AGBL1: variants seen among roughly 807,000 people sequenced by gnomAD.
AGBL1 encodes the protein cytosolic carboxypeptidase 4.
Under a neutral mutation model 118.9 loss-of-function variants are expected in AGBL1, and 130 were observed. That is an observed-to-expected ratio of 1.09 (90% confidence interval 0.95 to 1.26). The LOEUF is 1.26. Among genes scored for constraint, AGBL1 ranks in the 50% most tolerant of loss-of-function variants. The probability of loss-of-function intolerance (pLI) is 0.00; values close to 1 mark genes in which losing one functional copy is unlikely to be tolerated. For synonymous variants in AGBL1, 555 were observed against 478.9 expected, an observed-to-expected ratio of 1.16 and a Z score of -2.08; for missense variants, 1,584 against 1,298.1, an observed-to-expected ratio of 1.22 and a Z score of -3.38.
intron 23 of AGBL1, among the ~76,000 whole-genome samples, chr15:86,945,287 A>G (rs1011406245): frequency 1.3e-5 from 2 of 150,118 alleles, no homozygotes; most frequent in African/African-American, 4.9e-5. Context: ...AAAATATTTG[A>G]TATCATGAAA....
At chr15:86,971,274 G>T (rs959630417) in intron 23 of AGBL1, among the ~76,000 whole-genome samples, 4 of 152,120 alleles carry the variant, frequency 2.6e-5, no homozygotes, top group African/African-American at 7.2e-5. Context: ...TCAAACCTGA[G>T]AGAAGTATAT....
chr15:86,522,257 G>C (rs1486308783), intron 18 of AGBL1, among the ~76,000 whole-genome samples: 5 of 152,154 alleles, frequency 3.3e-5, no homozygotes, highest in African/African-American at 9.7e-5. Flanking sequence ...CAGTGCAATA[G>C]AAGAGAGAGA....
At chr15:87,026,667 CAA>C (rs2081729876) in intron 24 of AGBL1, among the ~76,000 whole-genome samples, 1 of 151,316 alleles carries the variant, frequency 6.6e-6, no homozygotes, top group South Asian at 2.1e-4. Flanking sequence ...AGTCATTATA[CAA>C]AAAAGATACT....
At chr15:86,977,085 G>C (rs1202431433) in intron 23 of AGBL1, among the ~76,000 whole-genome samples, 1 of 151,694 alleles carries the variant, frequency 6.6e-6, no homozygotes, top group African/African-American at 2.4e-5. Context: ...TTTATGCTCT[G>C]TGTGTGTGTG....
At chr15:86,378,914 C>CT (rs921127768) in intron 17 of AGBL1, among the ~76,000 whole-genome samples, 55 of 137,352 alleles carry the variant, frequency 4.0e-4, no homozygotes, top group Non-Finnish European at 7.4e-4. Flanking sequence ...TTTTTTTTTT[C>CT]TTTTTTTCTT....
intron 1 of AGBL1, among the ~76,000 whole-genome samples, chr15:86,120,050 C>T (rs1053448846): frequency 6.6e-5 from 10 of 152,236 alleles, no homozygotes; most frequent in Non-Finnish European, 1.0e-4. Context: ...ATTATTCATT[C>T]GATATACTGA....
At chr15:86,191,248 T>C (rs967555911) in intron 5 of AGBL1, among the ~76,000 whole-genome samples, 2 of 146,914 alleles carry the variant, frequency 1.4e-5, no homozygotes, top group Non-Finnish European at 3.0e-5. Context: ...CTTGGGAGGC[T>C]GAGGCAGGAG....
rs191772021 is a variant in AGBL1, at chr15:87,009,905, C to G, written c.3324-18920C>G. Among the ~76,000 whole-genome samples, 1,082 of 152,314 alleles carry G rather than the reference C, an allele frequency of 7.1e-3. 44 individuals carry two copies. Among genetic ancestry groups the G allele is most frequent in the Admixed American group, 0.059 (904 of 15,290 alleles). ...CCCAATGCCTACACCCCTATTTTAT[C>G]AAGGAAGTAACTAACTTGCTTTTGA... On this transcript the variant is annotated intron_variant, in intron 24 of 24. Coordinates refer to the AGBL1 transcript ENST00000441037.
rs188738881 is a variant in AGBL1 at position 86,776,868 on chromosome 15, G to A, written c.3158+102432G>A. Among the ~76,000 whole-genome samples, 35 of 151,364 alleles carry A rather than the reference G, an allele frequency of 2.3e-4. 1 individual carries two copies. Among genetic ancestry groups the A allele is most frequent in the African/African-American group, 7.0e-4 (29 of 41,338 alleles). On this transcript the variant is annotated intron_variant, in intron 22 of 22. Coordinates refer to ENST00000614907, the MANE Select transcript of AGBL1 (RefSeq NM_001386094.1). ...AATCAACTTTTAGACACGGGAGTATGTATTATTTTTTGCTAGTTTTACTTA... is the reference window on the plus strand; with the variant it reads ...AATCAACTTTTAGACACGGGAGTATATATTATTTTTTGCTAGTTTTACTTA...
intron 22 of AGBL1, among the ~76,000 whole-genome samples, chr15:86,697,902 C>T (rs1295740561): frequency 1.3e-5 from 2 of 151,932 alleles, no homozygotes; most frequent in East Asian, 3.9e-4. Context: ...CTTCAGGTCT[C>T]TCAGCCATGG....
intron 5 of AGBL1, among the ~76,000 whole-genome samples, chr15:86,209,407 A>T (rs950502598): frequency 6.6e-6 from 1 of 152,150 alleles, no homozygotes. Context: ...TCTAATATTG[A>T]CAGTGGAGTG....
intron 22 of AGBL1, among the ~76,000 whole-genome samples, chr15:86,897,738 G>A (rs1318688310): frequency 1.6e-5 from 2 of 126,368 alleles, no homozygotes; most frequent in Non-Finnish European, 3.4e-5. Context: ...CTTGAACTAT[G>A]ATAATTTACT....
intron 21 of AGBL1, among the ~76,000 whole-genome samples, chr15:86,671,272 A>T (rs537788549): frequency 1.3e-5 from 2 of 152,106 alleles, no homozygotes; most frequent in Non-Finnish European, 2.9e-5. Flanking sequence ...AGATTTAAAC[A>T]AACAAACAAA....
At chr15:86,327,011 A>G (rs1343693031) in intron 17 of AGBL1, among the ~76,000 whole-genome samples, 1 of 151,814 alleles carries the variant, frequency 6.6e-6, no homozygotes, top group Non-Finnish European at 1.5e-5. Flanking sequence ...TTTGAGGAAA[A>G]TAGTAAAGGA....
intron 5 of AGBL1, among the ~76,000 whole-genome samples, chr15:86,178,511 A>G (rs1425231927): frequency 6.6e-6 from 1 of 152,230 alleles, no homozygotes; most frequent in Non-Finnish European, 1.5e-5. Context: ...TTCTTGAGAG[A>G]CATAACTATC....
At chr15:86,224,879 A>C in intron 5 of AGBL1, 35 bp from the exon 6 acceptor site, 1 of 1,610,740 alleles carries the variant, frequency 6.2e-7, no homozygotes, top group East Asian at 2.2e-5. Flanking sequence ...AAGACCATTG[A>C]ATGTTGACTG....
At chr15:86,669,177 A>G (rs2085697723) in intron 21 of AGBL1, among the ~76,000 whole-genome samples, 1 of 152,234 alleles carries the variant, frequency 6.6e-6, no homozygotes, top group East Asian at 1.9e-4. Context: ...ACTCAACAGA[A>G]AAATCAAACT....
chr15:86,359,933 GT>G (rs1006773333), intron 17 of AGBL1, among the ~76,000 whole-genome samples: 1 of 151,904 alleles, frequency 6.6e-6, no homozygotes, highest in South Asian at 2.1e-4. Context: ...GTACTAAAAG[GT>G]TTTTTGCTGA....
intron 23 of AGBL1, among the ~76,000 whole-genome samples, chr15:86,943,467 A>AG (rs2080779262): frequency 6.6e-6 from 1 of 152,198 alleles, no homozygotes; most frequent in South Asian, 2.1e-4. Context: ...CTGTGACAAA[A>AG]TACACAGGGT....
Sources: gnomAD v4.1 joint callset for allele counts (sites outside exome capture counted in the v4.1 genomes callset) on GRCh38, gnomAD v4.1.1 for gene constraint, MANE v1.5 for transcripts, NCBI Gene and HGNC (gene_info 2026-07-23, HGNC 2026-07-21) for gene names.